Variants in PARD3B observed in about 807,000 individuals in gnomAD.
The protein encoded by PARD3B is partitioning defective 3 homolog B.
PARD3B carries 103 observed loss-of-function variants against 130.2 expected under a neutral mutation model. The observed-to-expected ratio is 0.79, with a 90% confidence interval of 0.67 to 0.93. PARD3B has a LOEUF of 0.93. Among genes scored for constraint, PARD3B ranks in the 40% least tolerant of loss-of-function variants. The pLI, the probability that PARD3B is intolerant of heterozygous loss-of-function variation, is 0.00. For synonymous variants in PARD3B, 583 were observed against 553.2 expected (o/e 1.05, Z -0.76); for missense variants, 1,609 against 1,499.2 (o/e 1.07, Z -1.21).
At chr2:204,569,018 T>G (rs1176764471) in intron 1 of PARD3B, among the ~76,000 whole-genome samples, 1 of 151,766 alleles carries the variant, frequency 6.6e-6, no homozygotes, top group Non-Finnish European at 1.5e-5. Flanking sequence ...CCCAAATATA[T>G]CATTGCTTTA....
rs866174526 is a variant in PARD3B at position 205,274,105 on chromosome 2, T to A, written c.2186-26425T>A. On this transcript the variant is annotated intron_variant, in intron 16 of 22. Coordinates refer to ENST00000406610, the MANE Select transcript of PARD3B (RefSeq NM_001302769.2). This position sits in a 1 kb window ranked among gnomAD's most constrained non-coding sequence, Gnocchi z 4.2. ...TAGATCTGGACAAATATAGTTTTTT[T>A]AAAAAAAGTCTATTTTATTTTCCCT... Among the ~76,000 whole-genome samples, 1 of 152,140 alleles carries A rather than the reference T, an allele frequency of 6.6e-6. No homozygotes were observed. Among genetic ancestry groups the A allele is most frequent in the Non-Finnish European group, 1.5e-5 (1 of 68,018 alleles).
At position 204,982,990 on chromosome 2, in the gene PARD3B, C is replaced by A. The variant is rs1032139538; in HGVS notation, c.394+17667C>A. ...CTAAAAATACTTCAGCTAAAGTATACAAATAATTGGAGTGCTTTTTGTCTT... is the reference window on the plus strand; with the variant it reads ...CTAAAAATACTTCAGCTAAAGTATAAAAATAATTGGAGTGCTTTTTGTCTT... On this transcript the variant is annotated intron_variant, in intron 3 of 22. Transcript: ENST00000406610. 2.6e-5 allele frequency among the ~76,000 whole-genome samples: 4 copies of A among 152,182 alleles called. No homozygotes were observed. The East Asian group carries it at 7.7e-4, about 29-fold the overall frequency.
chr2:204,778,433 G>A (rs1015507452), intron 2 of PARD3B, among the ~76,000 whole-genome samples: 3 of 152,296 alleles, frequency 2.0e-5, no homozygotes, highest in South Asian at 4.2e-4. Context: ...TGCAAGTCAA[G>A]ACCCTAACCA....
At chr2:204,577,042 G>A (rs993253788) in intron 1 of PARD3B, among the ~76,000 whole-genome samples, 1 of 152,166 alleles carries the variant, frequency 6.6e-6, no homozygotes, top group South Asian at 2.1e-4. Flanking sequence ...CTTGGGGGGG[G>A]ATGGGATAGT....
At chr2:204,914,208 G>T (rs13006910) in intron 2 of PARD3B, among the ~76,000 whole-genome samples, 2 of 151,990 alleles carry the variant, frequency 1.3e-5, no homozygotes, top group Non-Finnish European at 1.5e-5. Context: ...CTGTTAACAA[G>T]AACCTCTCTT....
chr2:204,762,687 T>C (rs181091120), intron 2 of PARD3B, among the ~76,000 whole-genome samples: 5 of 152,192 alleles, frequency 3.3e-5, no homozygotes, highest in African/African-American at 7.2e-5. Flanking sequence ...TTGAATCTTA[T>C]ATGTTTTCTT....
At chr2:205,273,989 C>T (rs2040843436) in intron 16 of PARD3B, among the ~76,000 whole-genome samples, 1 of 152,068 alleles carries the variant, frequency 6.6e-6, no homozygotes, top group African/African-American at 2.4e-5. Flanking sequence ...CACACACCAC[C>T]ATGAGTGTGT....
chr2:204,586,151 T>G (rs997142883), intron 1 of PARD3B, among the ~76,000 whole-genome samples: 1 of 152,202 alleles, frequency 6.6e-6, no homozygotes, highest in African/African-American at 2.4e-5. Context: ...AAAGGGAGCT[T>G]TATTAAAATA....
chr2:205,158,662 A>G lies in PARD3B; in HGVS notation c.1435-60A>G, dbSNP rs1197775071. 15 of 1,475,568 alleles carry G rather than the reference A, an allele frequency of 1.0e-5. No homozygotes were observed. The highest frequency in any genetic ancestry group is 1.3e-5 in the Non-Finnish European group (14 of 1,076,526). 91.4% of individuals were successfully genotyped at this position (1,475,568 alleles called of 1,614,324 possible). A position where few individuals can be genotyped will look rare whatever the true frequency, so the allele number is the denominator to read the frequency against. On this transcript the variant is annotated intron_variant, in intron 10 of 22. Transcript: ENST00000406610. The surrounding 1 kb of genome is among the most constrained non-coding windows in gnomAD (Gnocchi z 5.4). ...TTGCATCTGTGTCTGGTCATCTGAG[A>G]GAGTGAAATATTAATCTGCTTTCTT...
intron 3 of PARD3B, among the ~76,000 whole-genome samples, chr2:205,023,514 A>C (rs1335237020): frequency 9.1e-5 from 3 of 33,042 alleles, no homozygotes; most frequent in African/African-American, 3.9e-4. Flanking sequence ...ATTTATTTTT[A>C]TTTTTAGCAG....
At chr2:205,588,040 G>T (rs1379963109) in intron 22 of PARD3B, among the ~76,000 whole-genome samples, 1 of 152,154 alleles carries the variant, frequency 6.6e-6, no homozygotes, top group African/African-American at 2.4e-5. Flanking sequence ...AATATTTAAG[G>T]CAGAACAGGA....
chr2:204,978,580 T>C (rs1355339), intron 3 of PARD3B, among the ~76,000 whole-genome samples: 117,867 of 152,168 alleles, frequency 0.77, 46,406 homozygotes, highest in Non-Finnish European at 0.83. Flanking sequence ...CCAACTTTAT[T>C]GCTCAGTAAA....
intron 1 of PARD3B, among the ~76,000 whole-genome samples, chr2:204,654,107 A>G (rs972630287): frequency 2.6e-5 from 4 of 151,154 alleles, no homozygotes; most frequent in African/African-American, 9.9e-5. Context: ...CTCAGCAAGG[A>G]GGTGATGTGA....
chr2:205,197,635 A>G (rs185792383), intron 15 of PARD3B, among the ~76,000 whole-genome samples: 2 of 152,356 alleles, frequency 1.3e-5, no homozygotes, highest in Admixed American at 6.5e-5. Flanking sequence ...AATGATTAAC[A>G]TGATAAATAA....
intron 4 of PARD3B, among the ~76,000 whole-genome samples, chr2:205,064,634 T>C (rs1198760197): frequency 6.6e-6 from 1 of 152,132 alleles, no homozygotes; most frequent in Non-Finnish European, 1.5e-5. Flanking sequence ...GACATTCCCA[T>C]AAGTGTATAC....
intron 15 of PARD3B, among the ~76,000 whole-genome samples, chr2:205,243,901 A>T (rs975032638): frequency 1.3e-5 from 2 of 152,224 alleles, no homozygotes; most frequent in African/African-American, 4.8e-5. Context: ...GTACTCAGAA[A>T]ATATGAGTTC....
intron 15 of PARD3B, among the ~76,000 whole-genome samples, chr2:205,233,559 A>G (rs955017274): frequency 2.0e-5 from 3 of 152,202 alleles, no homozygotes; most frequent in Admixed American, 2.0e-4. Flanking sequence ...TATTATTTTT[A>G]TATGACAATA....
chr2:204,883,624 T>C (rs1011816645), intron 2 of PARD3B, among the ~76,000 whole-genome samples: 4 of 150,940 alleles, frequency 2.7e-5, no homozygotes, highest in African/African-American at 4.9e-5. Flanking sequence ...ATTTTTATTT[T>C]TAGTAGAGAC....
chr2:205,406,180 G>T (rs1447002203), intron 19 of PARD3B, among the ~76,000 whole-genome samples: 1 of 152,018 alleles, frequency 6.6e-6, no homozygotes, highest in Non-Finnish European at 1.5e-5. Flanking sequence ...AGATTAGATC[G>T]GTTTTGTAGC....
Sources: gnomAD v4.1 joint callset for allele counts (sites outside exome capture counted in the v4.1 genomes callset) on GRCh38, gnomAD v4.1.1 for gene constraint, Gnocchi (gnomAD v3.1) non-coding constraint, MANE v1.5 for transcripts, NCBI Gene and HGNC (gene_info 2026-07-23, HGNC 2026-07-21) for gene names.